Variants in TRPS1 observed in about 807,000 individuals in gnomAD.
TRPS1 encodes zinc finger transcription factor Trps1.
TRPS1 carries 6 observed loss-of-function variants against 101.2 expected under a neutral mutation model. The ratio of observed to expected loss-of-function variants is 0.06; its 90% CI spans 0.03 to 0.12. TRPS1 has a LOEUF of 0.12. Among genes scored for constraint, TRPS1 ranks in the 10% least tolerant of loss-of-function variants. The pLI is 1.00. For missense variants in TRPS1, 1,363 were observed against 1,567.0 expected (o/e 0.87, Z 2.20); for synonymous variants, 578 against 589.8 (o/e 0.98, Z 0.29).
Position 115,442,322 on chromosome 8 carries a change from C to T in TRPS1, c.2701-23870G>A, listed in dbSNP as rs542912172. On this transcript the variant is annotated intron_variant, in intron 5 of 6. Transcript: ENST00000395715. ...CACTGATTTTCTGAAGGAAAAAATA[C>T]ATTTAATTTTCTATTTTTGCTTGCA... Among the ~76,000 whole-genome samples, 22 of 152,212 alleles carry T rather than the reference C, an allele frequency of 1.4e-4. No individual in the cohort carries two copies. In the East Asian group the frequency reaches 4.2e-3, roughly 29 times the overall value.
chr8:115,612,012 T>C (rs996564074), intron 3 of TRPS1, among the ~76,000 whole-genome samples: 6 of 144,128 alleles, frequency 4.2e-5, no homozygotes, highest in Non-Finnish European at 6.0e-5. Flanking sequence ...GGACAACTGA[T>C]CAATAAACAG....
At chr8:115,475,781 A>C (rs1463778230) in intron 5 of TRPS1, among the ~76,000 whole-genome samples, 1 of 152,132 alleles carries the variant, frequency 6.6e-6, no homozygotes, top group African/African-American at 2.4e-5. Context: ...ATTACAAAAC[A>C]AAAGTAGTCT....
chr8:115,594,589 T>G (rs2130464496), intron 4 of TRPS1, among the ~76,000 whole-genome samples: 1 of 146,948 alleles, frequency 6.8e-6, no homozygotes, highest in South Asian at 2.2e-4. Flanking sequence ...TTGTATTTAA[T>G]TCAAGTGACT....
In TRPS1 at chr8:115,410,239, T is replaced by A. The variant is rs1377035519; in HGVS notation, c.*3784A>T. The A allele has an allele frequency of 3.3e-5, 5 of 152,446 alleles. No individual in the cohort carries two copies. Among genetic ancestry groups the A allele is most frequent in the East Asian group, 1.9e-4 (1 of 5,178 alleles). The allele number at this position is 152,446 out of a possible 1,614,324, so 9.4% of individuals were successfully genotyped here. A position where few individuals can be genotyped will look rare whatever the true frequency, so the allele number is the denominator to read the frequency against. The stretch of plus-strand genomic sequence containing the variant: ...GAAAAATGTATTTCCTCAGGCATTT[T>A]AAAATATATATACATTTAATATTTT... On this transcript the variant is annotated 3_prime_UTR_variant, in exon 7 of 7. Transcript: ENST00000395715.
At chr8:115,433,039 C>T (rs1489246860) in intron 5 of TRPS1, among the ~76,000 whole-genome samples, 1 of 151,838 alleles carries the variant, frequency 6.6e-6, no homozygotes, top group African/African-American at 2.4e-5. Context: ...AGAGAAGACA[C>T]TCAAGTATTA....
intron 5 of TRPS1, among the ~76,000 whole-genome samples, chr8:115,449,984 CACACAGACAT>C (rs1304954651): frequency 3.3e-5 from 5 of 151,546 alleles, no homozygotes; most frequent in Non-Finnish European, 7.4e-5. Flanking sequence ...CACACACACA[CACACAGACAT>C]ACACACACAG....
At chr8:115,510,786 T>C in intron 5 of TRPS1, among the ~76,000 whole-genome samples, 1 of 151,962 alleles carries the variant, frequency 6.6e-6, no homozygotes, top group East Asian at 1.9e-4. Context: ...CTTCTTGCCA[T>C]ACTGAAGCGT....
intron 1 of TRPS1, among the ~76,000 whole-genome samples, chr8:115,639,483 T>A (rs566181903): frequency 6.6e-6 from 1 of 152,196 alleles, no homozygotes; most frequent in Non-Finnish European, 1.5e-5. Context: ...TTGACTCTTA[T>A]GCTTTAAGAT....
intron 5 of TRPS1, among the ~76,000 whole-genome samples, chr8:115,541,424 C>A (rs1816450843): frequency 1.3e-5 from 2 of 152,136 alleles, no homozygotes; most frequent in Admixed American, 1.3e-4. Flanking sequence ...CTAGTGTAAC[C>A]AATTTTCACT....
chr8:115,623,349 C>G (rs1403795209), intron 2 of TRPS1, among the ~76,000 whole-genome samples: 9 of 151,976 alleles, frequency 5.9e-5, no homozygotes, highest in Non-Finnish European at 1.3e-4. Context: ...TTTGAAGTAG[C>G]TATAGAAGAA....
At position 115,667,959 on chromosome 8, in the gene TRPS1, C is replaced by T. The variant is rs1026090382; in HGVS notation, c.-122+586G>A. 2.0e-6 allele frequency: 3 copies of T among 1,489,930 alleles called. No homozygotes were observed. In the African/African-American group the frequency reaches 4.2e-5, roughly 21 times the overall value. The allele number at this position is 1,489,930 out of a possible 1,614,324, so 92.3% of individuals were successfully genotyped here. A position where few individuals can be genotyped will look rare whatever the true frequency, so the allele number is the denominator to read the frequency against. On this transcript the variant is annotated intron_variant, in intron 1 of 6. Coordinates refer to ENST00000395715, the MANE Select transcript of TRPS1 (RefSeq NM_014112.5). ...AGTGGCGGCGGCGGCGGCGGCCCCTCGGGTCCAACCACCTCCAGCTCCTCC... is the reference window on the plus strand; with the variant it reads ...AGTGGCGGCGGCGGCGGCGGCCCCTTGGGTCCAACCACCTCCAGCTCCTCC...
intron 1 of TRPS1, among the ~76,000 whole-genome samples, chr8:115,630,240 C>T (rs551840019): frequency 2.4e-4 from 36 of 152,048 alleles, no homozygotes; most frequent in Middle Eastern, 3.4e-3. Context: ...AGTGATGTGA[C>T]ATACAGGAGT....
intron 5 of TRPS1, among the ~76,000 whole-genome samples, chr8:115,446,353 C>A (rs2129906668): frequency 6.6e-6 from 1 of 150,634 alleles, no homozygotes; most frequent in African/African-American, 2.4e-5. Flanking sequence ...AAAACCAACC[C>A]AAAAACTGTT....
chr8:115,577,674 C>G (rs933258385), intron 5 of TRPS1, among the ~76,000 whole-genome samples: 1 of 151,720 alleles, frequency 6.6e-6, no homozygotes, highest in Admixed American at 6.6e-5. Context: ...GCATCAATAA[C>G]AGAAAAAAAG....
At chr8:115,656,470 A>G (rs759222570) in intron 1 of TRPS1, among the ~76,000 whole-genome samples, 7 of 152,124 alleles carry the variant, frequency 4.6e-5, no homozygotes, top group Non-Finnish European at 1.0e-4. Context: ...ATCTTAAGCT[A>G]GTTTCAAACC....
At position 115,470,101 on chromosome 8, in the gene TRPS1, T is replaced by G. The variant is rs1299588807; in HGVS notation, c.2701-51649A>C. Among the ~76,000 whole-genome samples the G allele has an allele frequency of 3.9e-5, 6 of 152,208 alleles. No homozygotes were observed. In the East Asian group the frequency reaches 1.2e-3, roughly 29 times the overall value. Reference sequence around the variant, plus strand: ...TCTCTAGCCACAAGGAATACTAACTTCAAGAACTTCCTAAGCACTTCTCTT... The same window carrying G: ...TCTCTAGCCACAAGGAATACTAACTGCAAGAACTTCCTAAGCACTTCTCTT... On this transcript the variant is annotated intron_variant, in intron 5 of 6. Transcript: ENST00000395715.
intron 5 of TRPS1, among the ~76,000 whole-genome samples, chr8:115,498,568 A>G (rs34313208): frequency 0.036 from 5,521 of 151,442 alleles, 379 homozygotes; most frequent in African/African-American, 0.13. Context: ...ATTTACTTAT[A>G]TGGAAACTAA....
At position 115,418,829 on chromosome 8, in the gene TRPS1, G is replaced by C. The variant is rs1357727053; in HGVS notation, c.2701-377C>G. Among the ~76,000 whole-genome samples the C allele has an allele frequency of 6.6e-6, 1 of 152,174 alleles. No homozygotes were observed. Among genetic ancestry groups the C allele is most frequent in the South Asian group, 2.1e-4 (1 of 4,826 alleles). ...ATGTTTAATACACTTTGGAAAGGAG[G>C]AGCACATGCTACCTGAGCTTTAAAA... On this transcript the variant is annotated intron_variant, in intron 5 of 6. Transcript: ENST00000395715. This position sits in a 1 kb window ranked among gnomAD's most constrained non-coding sequence, Gnocchi z 4.3.
At chr8:115,459,756 A>G (rs1814119332) in intron 5 of TRPS1, among the ~76,000 whole-genome samples, 1 of 152,154 alleles carries the variant, frequency 6.6e-6, no homozygotes, top group Non-Finnish European at 1.5e-5. Context: ...ATTGTTTCCC[A>G]TATGTAGAAC....
Sources: allele counts gnomAD v4.1 joint callset (sites outside exome capture counted in the v4.1 genomes callset), GRCh38; gene constraint gnomAD v4.1.1; non-coding constraint Gnocchi (gnomAD v3.1); transcripts MANE v1.5; gene names NCBI Gene and HGNC (gene_info 2026-07-23, HGNC 2026-07-21).